DLGAP2: variants seen among roughly 807,000 people sequenced by gnomAD.
The protein encoded by DLGAP2 is DLG associated protein 2.
Under a neutral mutation model 100.3 loss-of-function variants are expected in DLGAP2, and 26 were observed. The observed-to-expected ratio is 0.26, with a 90% CI of 0.19 to 0.36. The LOEUF is 0.36. DLGAP2 is among the 10% of genes least tolerant of loss of function. The pLI is 1.00. For missense variants in DLGAP2, 1,858 were observed against 1,453.2 expected (o/e 1.28, Z -4.53); for synonymous variants, 886 against 630.1 (o/e 1.41, Z -6.08).
rs1465016913 is a variant in DLGAP2 at position 1,548,936 on chromosome 8, C to T, written c.483C>T (p.Phe161=). Residue 161 remains phenylalanine, a synonymous_variant, in exon 5 of 15, where the codon TTC becomes TTT. Coordinates refer to ENST00000637795, the MANE Select transcript of DLGAP2 (RefSeq NM_001346810.2). ...VLGDHVSSST[F]PRMHYSSHYD... The stretch of plus-strand genomic sequence containing the variant: ...GCGACCACGTGTCCAGCAGCACCTT[C>T]CCGCGGATGCACTACAGCTCGCACT... The T allele has an allele frequency of 1.3e-6, 2 of 1,598,436 alleles. No homozygotes were observed. Among genetic ancestry groups the T allele is most frequent in the Non-Finnish European group, 8.5e-7 (1 of 1,179,300 alleles).
chr8:1,095,285 G>C (rs765376192), intron 2 of DLGAP2, among the ~76,000 whole-genome samples: 3 of 152,176 alleles, frequency 2.0e-5, no homozygotes, highest in Non-Finnish European at 4.4e-5. Context: ...ACAGAGAGAT[G>C]GGTTTAGCAC....
chr8:1,409,277 C>T (rs895717000), intron 3 of DLGAP2, among the ~76,000 whole-genome samples: 4 of 151,246 alleles, frequency 2.6e-5, no homozygotes, highest in Non-Finnish European at 5.9e-5. Context: ...ATTGTCTAGA[C>T]CAGCTGAAAA....
rs563935242 is a variant in DLGAP2 at position 1,280,673 on chromosome 8, C to G, written c.106+21790C>G. On this transcript the variant is annotated intron_variant, in intron 3 of 14. Coordinates refer to ENST00000637795, the MANE Select transcript of DLGAP2 (RefSeq NM_001346810.2). ...GGGCCCATGTGAGCAGGTGCATGGG[C>G]CATGGGCATGGAGGGGAGGTAGGAG... Among the ~76,000 whole-genome samples the G allele has an allele frequency of 6.8e-4, 104 of 152,228 alleles. 3 individuals carry two copies. The South Asian group carries it at 0.022, about 32-fold the overall frequency.
At chr8:1,632,691 C>G (rs1797676513) in intron 7 of DLGAP2, 136 bp from the exon 8 acceptor site, 3 of 797,392 alleles carry the variant, frequency 3.8e-6, no homozygotes, top group Admixed American at 3.0e-5. Flanking sequence ...GATGCCCATG[C>G]TGACTTCAGG....
At chr8:1,520,505 G>C (rs1210724206) in intron 4 of DLGAP2, among the ~76,000 whole-genome samples, 1 of 152,184 alleles carries the variant, frequency 6.6e-6, no homozygotes, top group Non-Finnish European at 1.5e-5. Flanking sequence ...GTTTGGACGA[G>C]TGTTTAATGG....
At chr8:1,062,987 C>T (rs1585025374) in intron 2 of DLGAP2, among the ~76,000 whole-genome samples, 1 of 152,138 alleles carries the variant, frequency 6.6e-6, no homozygotes. Flanking sequence ...TTCAGTACTC[C>T]TTTGGGAATG....
chr8:1,269,698 C>T (rs759135799), intron 3 of DLGAP2, among the ~76,000 whole-genome samples: 1 of 152,044 alleles, frequency 6.6e-6, no homozygotes, highest in Non-Finnish European at 1.5e-5. Context: ...TGACTGTGCA[C>T]CCCCCTCCCC....
chr8:881,308 AGT>A (rs1797786288), intron 1 of DLGAP2, among the ~76,000 whole-genome samples: 1 of 152,122 alleles, frequency 6.6e-6, no homozygotes, highest in Non-Finnish European at 1.5e-5. Flanking sequence ...TTTATTCCTC[AGT>A]TTTATGTAGG....
At chr8:1,150,755 T>C (rs1369990807) in intron 2 of DLGAP2, among the ~76,000 whole-genome samples, 2 of 152,154 alleles carry the variant, frequency 1.3e-5, no homozygotes, top group African/African-American at 2.4e-5. Flanking sequence ...AGAGCATACA[T>C]GTCAGACTCA....
chr8:1,103,809 T>C lies in DLGAP2; in HGVS notation c.74-155042T>C, dbSNP rs944316427. ...CTGGCGGGGCCTTGGTTGACGGTGA[T>C]GACTGGCAGGTGTCTGCTGTATTCA... On this transcript the variant is annotated intron_variant, in intron 2 of 14. Transcript: ENST00000637795. 1.4e-4 allele frequency among the ~76,000 whole-genome samples: 22 copies of C among 151,918 alleles called. 1 individual carries two copies. The highest frequency in any genetic ancestry group is 3.4e-3 in the Middle Eastern group (1 of 294).
chr8:1,115,963 C>T (rs1056389873), intron 2 of DLGAP2, among the ~76,000 whole-genome samples: 5 of 152,300 alleles, frequency 3.3e-5, no homozygotes, highest in East Asian at 1.9e-4. Flanking sequence ...GAGCATCACT[C>T]ATAGACATCA....
At chr8:1,597,620 C>A (rs969058063) in intron 6 of DLGAP2, among the ~76,000 whole-genome samples, 14 of 152,084 alleles carry the variant, frequency 9.2e-5, no homozygotes, top group African/African-American at 2.4e-5. Context: ...ATTTTATTCT[C>A]TTTGTAGCAA....
At chr8:1,058,270 T>C (rs1444663300) in intron 2 of DLGAP2, among the ~76,000 whole-genome samples, 8 of 152,158 alleles carry the variant, frequency 5.3e-5, no homozygotes, top group Non-Finnish European at 1.0e-4. Flanking sequence ...TTTGGAGATG[T>C]TGCTTTACAA....
At chr8:1,521,177 G>C (rs1291959811) in intron 4 of DLGAP2, among the ~76,000 whole-genome samples, 2 of 118,168 alleles carry the variant, frequency 1.7e-5, no homozygotes, top group Admixed American at 9.5e-5. Context: ...GGGGCATCTG[G>C]TTTGCACACT....
At chr8:1,556,048 A>T (rs1442930442) in intron 5 of DLGAP2, among the ~76,000 whole-genome samples, 2 of 152,250 alleles carry the variant, frequency 1.3e-5, no homozygotes, top group South Asian at 4.1e-4. Context: ...ATGTAACTCA[A>T]GATGGTCGTG....
intron 8 of DLGAP2, among the ~76,000 whole-genome samples, chr8:1,639,130 A>C (rs1404886214): frequency 1.3e-5 from 2 of 152,146 alleles, no homozygotes; most frequent in Non-Finnish European, 2.9e-5. Context: ...TGCTAACCCA[A>C]CTTCAAGAAG....
At chr8:1,683,004 G>C (rs539423042) in intron 12 of DLGAP2, among the ~76,000 whole-genome samples, 1 of 151,346 alleles carries the variant, frequency 6.6e-6, no homozygotes, top group Non-Finnish European at 1.5e-5. Flanking sequence ...ACATTCCATA[G>C]ATATTTATTG....
chr8:1,181,489 A>G (rs548063202), intron 2 of DLGAP2, among the ~76,000 whole-genome samples: 2 of 152,146 alleles, frequency 1.3e-5, no homozygotes, highest in East Asian at 3.9e-4. Flanking sequence ...GTGGAGCTGA[A>G]TGAGGAGAAC....
chr8:1,290,512 A>G (rs769603205), intron 3 of DLGAP2, among the ~76,000 whole-genome samples: 2 of 152,226 alleles, frequency 1.3e-5, no homozygotes, highest in Non-Finnish European at 2.9e-5. Context: ...ACCCTTTATA[A>G]TGAAGGGATC....
Sources: allele counts gnomAD v4.1 joint callset (sites outside exome capture counted in the v4.1 genomes callset), GRCh38; gene constraint gnomAD v4.1.1; transcripts MANE v1.5; gene names NCBI Gene and HGNC (gene_info 2026-07-23, HGNC 2026-07-21).